The following RPS6KC1 variants were observed in gnomAD, a reference collection of about 807,000 sequenced individuals.
RPS6KC1 encodes the protein inactive ribosomal protein S6 kinase delta-1.
In RPS6KC1, 54 loss-of-function variants were observed where a neutral mutation model predicts 103.8. That is an observed-to-expected ratio of 0.52 (90% CI 0.42 to 0.65). The LOEUF (loss-of-function observed/expected upper bound fraction) is 0.65, where lower values mean the gene tolerates loss of function less well. Ranked by LOEUF, RPS6KC1 falls within the 30% of genes least tolerant of loss-of-function variation. The pLI, the probability that RPS6KC1 is intolerant of heterozygous loss-of-function variation, is 0.00. For missense variants in RPS6KC1, 1,151 were observed against 1,253.8 expected (o/e 0.92, Z 1.24); for synonymous variants, 439 against 438.7 (o/e 1.00, Z -0.01).
chr1:213,356,840 G>A, the RPS6KC1 span, among the ~76,000 whole-genome samples: 2 of 152,172 alleles, frequency 1.3e-5, no homozygotes, highest in Admixed American at 6.5e-5. Flanking sequence ...TTAGGAGCCT[G>A]CCTGGGGAAG....
chr1:213,353,771 A>G, the RPS6KC1 span, among the ~76,000 whole-genome samples: 1 of 152,178 alleles, frequency 6.6e-6, no homozygotes, highest in Admixed American at 6.5e-5. Flanking sequence ...ACACAATTGC[A>G]AGCAATTTTT....
At chr1:213,772,062 G>A in the RPS6KC1 span, among the ~76,000 whole-genome samples, 12 of 152,142 alleles carry the variant, frequency 7.9e-5, no homozygotes, top group East Asian at 1.3e-3. Context: ...TTATATTAGA[G>A]TGACACTTCT....
the RPS6KC1 span, among the ~76,000 whole-genome samples, chr1:213,653,452 C>A: frequency 2.1e-4 from 30 of 143,368 alleles, no homozygotes; most frequent in African/African-American, 7.3e-4. Flanking sequence ...AGAGAAAGAT[C>A]CTGTCTCAAA....
chr1:213,642,762 CT>C, the RPS6KC1 span, among the ~76,000 whole-genome samples: 1 of 151,868 alleles, frequency 6.6e-6, no homozygotes, highest in African/African-American at 2.4e-5. Context: ...TTAGAACAGA[CT>C]TTTTAACTCC....
At chr1:213,286,833 A>C in the RPS6KC1 span, among the ~76,000 whole-genome samples, 1 of 152,206 alleles carries the variant, frequency 6.6e-6, no homozygotes, top group East Asian at 1.9e-4. Context: ...AAAGGGATAC[A>C]ATCTGGGTTT....
At chr1:213,257,884 AC>A (rs1181017959) in intron 12 of RPS6KC1, among the ~76,000 whole-genome samples, 1 of 126,268 alleles carries the variant, frequency 7.9e-6, no homozygotes, top group Non-Finnish European at 1.6e-5. Flanking sequence ...GCTCACTGCA[AC>A]CCTTGCTTCC....
At chr1:213,119,351 G>A (rs914297981) in intron 5 of RPS6KC1, among the ~76,000 whole-genome samples, 1 of 148,868 alleles carries the variant, frequency 6.7e-6, no homozygotes, top group African/African-American at 2.5e-5. Context: ...GGAGGCTGAG[G>A]CATGAGAATT....
At chr1:213,454,373 A>C in the RPS6KC1 span, among the ~76,000 whole-genome samples, 2 of 152,188 alleles carry the variant, frequency 1.3e-5, no homozygotes, top group Non-Finnish European at 2.9e-5. Flanking sequence ...TCTATTAATA[A>C]AATTGCACAT....
At chr1:213,095,192 A>G (rs1431882298) in intron 3 of RPS6KC1, among the ~76,000 whole-genome samples, 1 of 152,212 alleles carries the variant, frequency 6.6e-6, no homozygotes, top group Non-Finnish European at 1.5e-5. Flanking sequence ...AGCTTGTTTA[A>G]CTACAGGTGT....
the RPS6KC1 span, among the ~76,000 whole-genome samples, chr1:213,537,967 A>T: frequency 1.2e-3 from 189 of 152,212 alleles, 1 homozygote; most frequent in Non-Finnish European, 2.2e-3. Context: ...TCATTGTAGG[A>T]GGGAAGCCTG....
chr1:213,207,992 C>T (rs2093401526), intron 8 of RPS6KC1, among the ~76,000 whole-genome samples: 1 of 152,104 alleles, frequency 6.6e-6, no homozygotes, highest in Non-Finnish European at 1.5e-5. Flanking sequence ...TTTTCTTCTG[C>T]TAATCTGTCT....
In RPS6KC1 at chr1:213,228,910, A is replaced by T. The variant is rs192389047; in HGVS notation, c.1045-1587A>T. Reference sequence around the variant, plus strand: ...AATTGATTTGATTGATTTAGAATTGATTCTAAATACTTGGTATTCAGAAGG... The same window carrying T: ...AATTGATTTGATTGATTTAGAATTGTTTCTAAATACTTGGTATTCAGAAGG... On this transcript the variant is annotated intron_variant, in intron 8 of 14. Coordinates refer to ENST00000366960, the MANE Select transcript of RPS6KC1 (RefSeq NM_012424.6). Among the ~76,000 whole-genome samples, 225 of 152,276 alleles carry T rather than the reference A, an allele frequency of 1.5e-3. 10 individuals are homozygous for T. Among genetic ancestry groups the T allele is most frequent in the Non-Finnish European group, 1.2e-3 (84 of 68,028 alleles).
At chr1:213,149,647 T>A (rs1479613240) in intron 6 of RPS6KC1, among the ~76,000 whole-genome samples, 1 of 152,236 alleles carries the variant, frequency 6.6e-6, no homozygotes. Context: ...GTCCTGTAAA[T>A]ATCTATTAGA....
At chr1:213,426,480 A>G in the RPS6KC1 span, among the ~76,000 whole-genome samples, 2 of 152,198 alleles carry the variant, frequency 1.3e-5, no homozygotes, top group Non-Finnish European at 2.9e-5. Flanking sequence ...TAACTAGAGT[A>G]GCTCAGCCAT....
chr1:213,612,937 C>A, the RPS6KC1 span, among the ~76,000 whole-genome samples: 2 of 152,158 alleles, frequency 1.3e-5, no homozygotes, highest in Non-Finnish European at 2.9e-5. Context: ...ATTTTCCAAA[C>A]AAAGCCCAGT....
chr1:213,363,157 A>T, the RPS6KC1 span, among the ~76,000 whole-genome samples: 1 of 152,060 alleles, frequency 6.6e-6, no homozygotes, highest in African/African-American at 2.4e-5. Flanking sequence ...CTACCCAGGG[A>T]CACAAGTCTG....
chr1:213,520,479 G>A, the RPS6KC1 span, among the ~76,000 whole-genome samples: 2 of 152,130 alleles, frequency 1.3e-5, no homozygotes, highest in African/African-American at 4.8e-5. Context: ...GATGAGATTT[G>A]GGCGGGGACA....
chr1:213,172,680 A>G (rs2091566438), intron 7 of RPS6KC1, among the ~76,000 whole-genome samples: 1 of 152,064 alleles, frequency 6.6e-6, no homozygotes, highest in Non-Finnish European at 1.5e-5. Context: ...CATTGTATTG[A>G]GAAGAGTTGT....
chr1:213,498,401 T>G, the RPS6KC1 span, among the ~76,000 whole-genome samples: 1 of 152,314 alleles, frequency 6.6e-6, no homozygotes, highest in African/African-American at 2.4e-5. Context: ...CAAGAAATAC[T>G]TTTGATAAAA....
Sources: gnomAD v4.1 joint callset for allele counts (sites outside exome capture counted in the v4.1 genomes callset) on GRCh38, gnomAD v4.1.1 for gene constraint, MANE v1.5 for transcripts, NCBI Gene and HGNC (gene_info 2026-07-23, HGNC 2026-07-21) for gene names.